Variants in CAMKK1 observed in about 807,000 individuals in gnomAD.
The protein encoded by CAMKK1 is calcium/calmodulin dependent protein kinase kinase 1.
CAMKK1 carries 20 observed loss-of-function variants against 63.5 expected under a neutral mutation model. The ratio of observed to expected loss-of-function variants is 0.32; its 90% CI spans 0.22 to 0.46. CAMKK1 has a LOEUF of 0.46. CAMKK1 is among the 20% of genes least tolerant of loss of function. The pLI is 1.00. For missense variants in CAMKK1, 588 were observed against 658.1 expected (o/e 0.89, Z 1.17); for synonymous variants, 253 against 269.0 (o/e 0.94, Z 0.58).
chr17:3,867,925 G>C (rs575806350), intron 14 of CAMKK1, among the ~76,000 whole-genome samples: 1 of 151,648 alleles, frequency 6.6e-6, no homozygotes, highest in Admixed American at 6.6e-5. Flanking sequence ...CGAAATGTGA[G>C]CGGGCACTAG....
chr17:3,882,052 C>G lies in CAMKK1; in HGVS notation c.686-404G>C. On this transcript the variant is annotated intron_variant, in intron 7 of 15. Coordinates refer to ENST00000348335, the MANE Select transcript of CAMKK1 (RefSeq NM_032294.3). The surrounding 1 kb of genome is among the most constrained non-coding windows in gnomAD (Gnocchi z 4.3). ...TTTCTGAGGCCTCCTCTAAGCCCAG[C>G]CCTGAACCAGACACAAGGAACTAAA... 1 of 553,646 alleles carries G rather than the reference C, an allele frequency of 1.8e-6. No homozygotes were observed. The highest frequency in any genetic ancestry group is 2.5e-5 in the South Asian group (1 of 40,576). The allele number at this position is 553,646 out of a possible 1,614,324, so 34.3% of individuals were successfully genotyped here.
chr17:3,869,706 A>G (rs958361298), intron 13 of CAMKK1, 91 bp from the exon 14 acceptor site: 2 of 1,602,592 alleles, frequency 1.2e-6, no homozygotes, highest in African/African-American at 2.7e-5. Context: ...ACTCAAACCC[A>G]ACACACATGC....
Position 3,892,677 on chromosome 17 carries a change from A to G in CAMKK1, c.-44+262T>C, listed in dbSNP as rs1035073057. Among the ~76,000 whole-genome samples, 8 of 152,090 alleles carry G rather than the reference A, an allele frequency of 5.3e-5. No homozygotes were observed. Among genetic ancestry groups the G allele is most frequent in the African/African-American group, 1.7e-4 (7 of 41,426 alleles). On this transcript the variant is annotated intron_variant, in intron 1 of 15. Transcript: ENST00000348335. This position sits in a 1 kb window ranked among gnomAD's most constrained non-coding sequence, Gnocchi z 7.5. ...GGGATGGATGCGGTCCGCAGACAGA[A>G]GCGGGGAAGAACGCAGACGGCGGGG... is the stretch of plus-strand genomic sequence containing the variant.
At chr17:3,880,598 A>G (rs1440358728) in intron 8 of CAMKK1, among the ~76,000 whole-genome samples, 164 bp from the exon 9 acceptor site, 3 of 152,250 alleles carry the variant, frequency 2.0e-5, no homozygotes, top group Admixed American at 6.5e-5. Context: ...ACATACTCAT[A>G]CATATCCCAT....
At position 3,876,320 on chromosome 17, in the gene CAMKK1, A is replaced by G; in HGVS notation, c.899T>C (p.Phe300Ser). ...GGACAGCTGAGCGTCGTTCCCCTCAAACTGGTTGCTGACGCCAAAGTCGGC... is the reference window on the plus strand; with the variant it reads ...GGACAGCTGAGCGTCGTTCCCCTCAGACTGGTTGCTGACGCCAAAGTCGGC... ...KIADFGVSNQ[F>S]EGNDAQLSST... Residue 300 changes from phenylalanine to serine, a missense_variant, in exon 10 of 16, where the codon TTT (phenylalanine) becomes TCT (serine). Phe to Ser is a radical substitution (Grantham distance 155, BLOSUM62 -2). Coordinates refer to ENST00000348335, the MANE Select transcript of CAMKK1 (RefSeq NM_032294.3). 6.2e-7 allele frequency: 1 copy of G among 1,614,114 alleles called. No homozygotes were observed.
chr17:3,875,456 AT>A (rs797014554), intron 10 of CAMKK1, among the ~76,000 whole-genome samples: 1,637 of 145,704 alleles, frequency 0.011, 27 homozygotes, highest in African/African-American at 0.038. Flanking sequence ...TAATGTTTTT[AT>A]TTTTTTTTTT....
Position 3,887,941 on chromosome 17 carries a change from C to T in CAMKK1, c.-43-2211G>A, listed in dbSNP as rs1421850960. 6.6e-6 allele frequency among the ~76,000 whole-genome samples: 1 copy of T among 152,170 alleles called. No homozygotes were observed. The highest frequency in any genetic ancestry group is 2.4e-5 in the African/African-American group (1 of 41,434). ...AGTTTCATGAGATTAGGACGCTCAT[C>T]TGCCTTGTCTCCAAAAGATCATCAG... On this transcript the variant is annotated intron_variant, in intron 1 of 15. Transcript: ENST00000348335. The surrounding 1 kb of genome is among the most constrained non-coding windows in gnomAD (Gnocchi z 6.1).
chr17:3,870,709 C>T (rs2054809677), intron 12 of CAMKK1, among the ~76,000 whole-genome samples: 1 of 152,176 alleles, frequency 6.6e-6, no homozygotes, highest in Non-Finnish European at 1.5e-5. Context: ...GGAGCCCATC[C>T]TTCCAAGACT....
At position 3,869,122 on chromosome 17, in the gene CAMKK1, C is replaced by T. The variant is rs975015195; in HGVS notation, c.1341+365G>A. Among the ~76,000 whole-genome samples the T allele has an allele frequency of 1.5e-4, 22 of 151,574 alleles. No individual in the cohort carries two copies. The East Asian group carries it at 2.0e-3, about 13-fold the overall frequency. ...TAGCTGGGACTACACGCGCCCGCCACCACGCCCAGCTAATTTTCTATATTT... is the reference window on the plus strand; with the variant it reads ...TAGCTGGGACTACACGCGCCCGCCATCACGCCCAGCTAATTTTCTATATTT... On this transcript the variant is annotated intron_variant, in intron 14 of 15. Transcript: ENST00000348335.
intron 8 of CAMKK1, 39 bp downstream of exon 8, chr17:3,881,588 G>T: frequency 6.4e-7 from 1 of 1,558,658 alleles, no homozygotes; most frequent in Non-Finnish European, 8.7e-7. Context: ...GGAAGGCCTG[G>T]ATGAGAATTG....
In CAMKK1 at chr17:3,872,638, G is replaced by C; in HGVS notation, c.1051-11C>G. 6.2e-7 allele frequency: 1 copy of C among 1,612,620 alleles called. No homozygotes were observed. On this transcript the variant is annotated splice_polypyrimidine_tract_variant and intron_variant, in intron 11 of 15. Transcript: ENST00000348335. Reference sequence around the variant, plus strand: ...GTCGATGAATGGGCACTGTGGGGTGGAGAGGCAGACAAAGGATGTGGGTCC... The same window carrying C: ...GTCGATGAATGGGCACTGTGGGGTGCAGAGGCAGACAAAGGATGTGGGTCC...
rs200825064 is a variant in CAMKK1, at chr17:3,872,573, G to A, written c.1105C>T (p.Pro369Ser). ...ACTCACTCCTCAGGAAACACCACGG[G>A]CTCATTCTTGATCTTCCTGTGGAGG... ...LALHRKIKNE[P>S]VVFPEEPEIS... The change falls in exon 12 of 16, where the codon CCC (proline) becomes TCC (serine). Residue 369 changes from proline (P) to serine (S), a missense_variant. Transcript: ENST00000348335. 15 of 1,613,806 alleles carry A rather than the reference G, an allele frequency of 9.3e-6. No individual in the cohort carries two copies. The highest frequency in any genetic ancestry group is 1.6e-4 in the Middle Eastern group (1 of 6,084).
In CAMKK1 at chr17:3,876,362, T is replaced by C; in HGVS notation, c.857A>G (p.Asp286Gly). Residue 286 changes from aspartate to glycine, a missense_variant, in exon 10 of 16, where the codon GAT becomes GGT. By Grantham distance (94) the Asp-to-Gly change is moderately conservative. Transcript: ENST00000348335. The part of the protein sequence containing the change: ...IKPSNLLLGD[D>G]GHVKIADFGV... ...AAAGTCGGCGATCTTCACGTGCCCA[T>C]CATCCCCCAGGAGCAGGTTGGATGG... 1 of 1,614,220 alleles carries C rather than the reference T, an allele frequency of 6.2e-7. No homozygotes were observed.
At position 3,893,050 on chromosome 17, in the gene CAMKK1, G is replaced by A. The variant is rs1206154831; in HGVS notation, c.-155C>T. 1.4e-5 allele frequency: 2 copies of A among 140,384 alleles called. No individual in the cohort carries two copies. The highest frequency in any genetic ancestry group is 4.4e-4 in the East Asian group (2 of 4,550). 8.7% of individuals were successfully genotyped at this position (140,384 alleles called of 1,614,324 possible). On this transcript the variant is annotated 5_prime_UTR_variant, in exon 1 of 16. Coordinates refer to ENST00000348335, the MANE Select transcript of CAMKK1 (RefSeq NM_032294.3). The surrounding 1 kb of genome is among the most constrained non-coding windows in gnomAD (Gnocchi z 4.6). The stretch of plus-strand genomic sequence containing the variant: ...CCGCCTCGCTGGGGCCCAGATCGCC[G>A]AGCTCAGCCCGCGGGCGCCGCGGCT...
chr17:3,868,346 G>A (rs2054657239), intron 14 of CAMKK1, among the ~76,000 whole-genome samples: 1 of 151,006 alleles, frequency 6.6e-6, no homozygotes, highest in Admixed American at 6.6e-5. Flanking sequence ...GGAGACGCAG[G>A]CACTGCCTGA....
In CAMKK1 at chr17:3,874,527, A is replaced by T. The variant is rs551503755; in HGVS notation, c.997-1065T>A. ...GCTGGAATTACAGGTGCCTGCCACC[A>T]TGCCCGGCTAATTTTTGTATTTTTT... On this transcript the variant is annotated intron_variant, in intron 10 of 15. Coordinates refer to ENST00000348335, the MANE Select transcript of CAMKK1 (RefSeq NM_032294.3). Among the ~76,000 whole-genome samples the T allele has an allele frequency of 7.9e-5, 12 of 152,266 alleles. No homozygotes were observed. In the East Asian group the frequency reaches 2.3e-3, roughly 29 times the overall value.
In CAMKK1 at chr17:3,884,513, G is replaced by C; in HGVS notation, c.361-86C>G. 1 of 1,291,226 alleles carries C rather than the reference G, an allele frequency of 7.7e-7. No individual in the cohort carries two copies. The allele number at this position is 1,291,226 out of a possible 1,614,324, so 80.0% of individuals were successfully genotyped here. A position where few individuals can be genotyped will look rare whatever the true frequency, so the allele number is the denominator to read the frequency against. On this transcript the variant is annotated intron_variant, in intron 2 of 15. Coordinates refer to ENST00000348335, the MANE Select transcript of CAMKK1 (RefSeq NM_032294.3). This position sits in a 1 kb window ranked among gnomAD's most constrained non-coding sequence, Gnocchi z 4.5. ...CAGAGCCCGTTCAGGGTCCAATTCT[G>C]GCCATAAGCTCCTCATTCCCGGACC...
Position 3,892,155 on chromosome 17 carries a change from T to TG in CAMKK1, c.-44+783dup, listed in dbSNP as rs2055926230. On this transcript the variant is annotated intron_variant, in intron 1 of 15. Transcript: ENST00000348335. The surrounding 1 kb of genome is among the most constrained non-coding windows in gnomAD (Gnocchi z 7.5). ...ACCACCAAGGCCCGGTCCTGTGGCC[T>TG]GTGACACAGCCTTCTCTGCACAGCC... Among the ~76,000 whole-genome samples the TG allele has an allele frequency of 6.6e-6, 1 of 151,964 alleles. No homozygotes were observed. Among genetic ancestry groups the TG allele is most frequent in the South Asian group, 2.1e-4 (1 of 4,818 alleles).
intron 12 of CAMKK1, among the ~76,000 whole-genome samples, chr17:3,871,594 G>C (rs1291689147): frequency 6.7e-6 from 1 of 149,924 alleles, no homozygotes; most frequent in African/African-American, 2.5e-5. Context: ...CTGACCTCGT[G>C]ATCCGCCCTC....
Sources: gnomAD v4.1 joint callset for allele counts (sites outside exome capture counted in the v4.1 genomes callset) on GRCh38, gnomAD v4.1.1 for gene constraint, Gnocchi (gnomAD v3.1) non-coding constraint, MANE v1.5 for transcripts, NCBI Gene and HGNC (gene_info 2026-07-23, HGNC 2026-07-21) for gene names.